REEP3: variants seen among roughly 807,000 people sequenced by gnomAD.
The protein encoded by REEP3 is receptor accessory protein 3.
In REEP3, 20 loss-of-function variants were observed where a neutral mutation model predicts 41.3. The ratio of observed to expected loss-of-function variants is 0.48; its 90% CI spans 0.34 to 0.70. The LOEUF (loss-of-function observed/expected upper bound fraction) is 0.70, where lower values mean the gene tolerates loss of function less well. Ranked by LOEUF, REEP3 falls within the 30% of genes least tolerant of loss-of-function variation. REEP3 has a pLI of 0.01. For missense variants in REEP3, 271 were observed against 308.8 expected (o/e 0.88, Z 0.92); for synonymous variants, 104 against 101.8 (o/e 1.02, Z -0.13).
Position 63,545,707 on chromosome 10 carries a change from A to G in REEP3, c.33-20631A>G, listed in dbSNP as rs1348203430. ...TTTTTTTTTTTTTTTTTTTTTTTTG[A>G]GATGGAGTCTTGCTCTGTTGCCCAC... On this transcript the variant is annotated intron_variant, in intron 1 of 7. Transcript: ENST00000373758. Among the ~76,000 whole-genome samples, 243 of 30,662 alleles carry G rather than the reference A, an allele frequency of 7.9e-3. 1 individual carries two copies. Among genetic ancestry groups the G allele is most frequent in the Admixed American group, 0.02 (45 of 2,254 alleles). The allele number at this position is 30,662 out of a possible 152,430, so 20.1% of individuals were successfully genotyped here.
At chr10:63,547,548 A>G (rs1002407925) in intron 1 of REEP3, among the ~76,000 whole-genome samples, 1 of 152,190 alleles carries the variant, frequency 6.6e-6, no homozygotes, top group Non-Finnish European at 1.5e-5. Flanking sequence ...AACATTATGT[A>G]ATGCTGGACC....
In REEP3 at chr10:63,623,615, A is replaced by G. The variant is rs1421942338; in HGVS notation, c.*2746A>G. ...TATTTCCAGAGTTTGTTTAGGAGTAAGAATTGACCCATTCGTTAGTTTACC... is the reference window on the plus strand; with the variant it reads ...TATTTCCAGAGTTTGTTTAGGAGTAGGAATTGACCCATTCGTTAGTTTACC... On this transcript the variant is annotated 3_prime_UTR_variant, in exon 8 of 8. Coordinates refer to ENST00000373758, the MANE Select transcript of REEP3 (RefSeq NM_001001330.3). 4.6e-5 allele frequency: 7 copies of G among 152,406 alleles called. No homozygotes were observed. Among genetic ancestry groups the G allele is most frequent in the Non-Finnish European group, 7.3e-5 (5 of 68,202 alleles). The allele number at this position is 152,406 out of a possible 1,614,324, so 9.4% of individuals were successfully genotyped here.
intron 2 of REEP3, among the ~76,000 whole-genome samples, chr10:63,576,613 G>A (rs7902616): frequency 0.44 from 67,051 of 152,024 alleles, 15,018 homozygotes; most frequent in Middle Eastern, 0.48. Flanking sequence ...CTGAGGGATT[G>A]GGGTTTAGGA....
intron 1 of REEP3, among the ~76,000 whole-genome samples, chr10:63,543,756 G>A (rs76527879): frequency 4.9e-4 from 74 of 152,202 alleles, no homozygotes; most frequent in Admixed American, 8.5e-4. Context: ...CCGTTTTAAA[G>A]CAATACCCAA....
In REEP3 at chr10:63,574,847, CTTTTTTTTTTTTT is replaced by C. The variant is rs56001048; in HGVS notation, c.105+8453_105+8465del. Among the ~76,000 whole-genome samples, 6 of 58,890 alleles carry C rather than the reference CTTTTTTTTTTTTT, an allele frequency of 1.0e-4. No individual in the cohort carries two copies. The Admixed American group carries it at 1.4e-3, about 14-fold the overall frequency. 38.6% of individuals were successfully genotyped at this position (58,890 alleles called of 152,430 possible). A position where few individuals can be genotyped will look rare whatever the true frequency, so the allele number is the denominator to read the frequency against. On this transcript the variant is annotated intron_variant, in intron 2 of 7. Coordinates refer to ENST00000373758, the MANE Select transcript of REEP3 (RefSeq NM_001001330.3). ...GAAGGCTATAATGAGAGGTCAATTT[CTTTTTTTTTTTTT>C]TTTTTTTTTTTTTTTGAGACAGAGT...
At chr10:63,547,417 T>C (rs7100190) in intron 1 of REEP3, among the ~76,000 whole-genome samples, 3,225 of 152,214 alleles carry the variant, frequency 0.021, 109 homozygotes, top group African/African-American at 0.072. Context: ...AAATGGCTCA[T>C]ATTCAAAATA....
intron 1 of REEP3, among the ~76,000 whole-genome samples, chr10:63,538,817 A>T (rs1303665267): frequency 1.3e-5 from 2 of 152,224 alleles, no homozygotes; most frequent in Non-Finnish European, 2.9e-5. Flanking sequence ...CATGTGGTCA[A>T]CATTGCTGTG....
intron 1 of REEP3, among the ~76,000 whole-genome samples, chr10:63,532,343 G>A (rs901448303): frequency 6.6e-6 from 1 of 152,124 alleles, no homozygotes; most frequent in Non-Finnish European, 1.5e-5. Flanking sequence ...ACACTTTCAA[G>A]TAATGATGTG....
intron 2 of REEP3, among the ~76,000 whole-genome samples, chr10:63,590,347 A>G (rs1956049451): frequency 6.6e-6 from 1 of 152,212 alleles, no homozygotes; most frequent in South Asian, 2.1e-4. Flanking sequence ...TTACAGTTGA[A>G]TCAGTGAGTG....
chr10:63,525,011 C>CAA (rs35948219), intron 1 of REEP3, among the ~76,000 whole-genome samples: 1 of 143,070 alleles, frequency 7.0e-6, no homozygotes. Flanking sequence ...GACTCTGTCT[C>CAA]AAAAAAAAAA....
intron 2 of REEP3, among the ~76,000 whole-genome samples, chr10:63,570,156 G>A (rs1238236943): frequency 6.6e-6 from 1 of 152,082 alleles, no homozygotes. Context: ...TGATAAGGAT[G>A]GTCTAACCCT....
At chr10:63,523,020 CAAAA>C (rs35537600) in intron 1 of REEP3, among the ~76,000 whole-genome samples, 4 of 117,954 alleles carry the variant, frequency 3.4e-5, no homozygotes, top group African/African-American at 6.8e-5. Flanking sequence ...CTGTACTTTA[CAAAA>C]AAAAAAAAAA....
At chr10:63,579,447 T>C (rs1233208126) in intron 2 of REEP3, among the ~76,000 whole-genome samples, 1 of 152,226 alleles carries the variant, frequency 6.6e-6, no homozygotes, top group African/African-American at 2.4e-5. Flanking sequence ...GGATTTAAAT[T>C]AAATGCCTAA....
In REEP3 at chr10:63,572,415, C is replaced by A. The variant is rs150032190; in HGVS notation, c.105+6005C>A. 3.3e-3 allele frequency among the ~76,000 whole-genome samples: 499 copies of A among 152,108 alleles called. 2 individuals carry two copies. Among genetic ancestry groups the A allele is most frequent in the African/African-American group, 0.012 (484 of 41,490 alleles). ...GTGGTTTGCACCCATCAACCTGTCACCTAGGTTTTAAGCCCCGCATGCATT... is the reference window on the plus strand; with the variant it reads ...GTGGTTTGCACCCATCAACCTGTCAACTAGGTTTTAAGCCCCGCATGCATT... On this transcript the variant is annotated intron_variant, in intron 2 of 7. Coordinates refer to ENST00000373758, the MANE Select transcript of REEP3 (RefSeq NM_001001330.3).
chr10:63,581,724 C>CT (rs1955955849), intron 2 of REEP3, among the ~76,000 whole-genome samples: 1 of 148,682 alleles, frequency 6.7e-6, no homozygotes, highest in Non-Finnish European at 1.5e-5. Flanking sequence ...GCCTGGGTGA[C>CT]AGAGCAAGAC....
intron 2 of REEP3, among the ~76,000 whole-genome samples, chr10:63,580,600 CT>C (rs1192350202): frequency 6.6e-6 from 1 of 151,216 alleles, no homozygotes; most frequent in Non-Finnish European, 1.5e-5. Context: ...AAGATAAACA[CT>C]TGAAATAACT....
At chr10:63,521,721 G>C in intron 1 of REEP3, 144 bp downstream of exon 1, 1 of 445,414 alleles carries the variant, frequency 2.2e-6, no homozygotes. Context: ...GTCTGGGGGA[G>C]CCCTCGGCTT....
chr10:63,618,608 T>G lies in REEP3; in HGVS notation c.566-1047T>G, dbSNP rs187761147. Among the ~76,000 whole-genome samples, 285 of 152,348 alleles carry G rather than the reference T, an allele frequency of 1.9e-3. 2 individuals carry two copies. The highest frequency in any genetic ancestry group is 3.3e-3 in the Non-Finnish European group (226 of 68,030). On this transcript the variant is annotated intron_variant, in intron 6 of 7. Transcript: ENST00000373758. ...TAACCTACTTAGTACTCTGGTTGTC[T>G]GAGACTTGGGCCCCTGTCTTGCTGT...
At chr10:63,525,061 G>A (rs1427720989) in intron 1 of REEP3, among the ~76,000 whole-genome samples, 2 of 152,054 alleles carry the variant, frequency 1.3e-5, no homozygotes, top group Non-Finnish European at 2.9e-5. Flanking sequence ...TAACTAAAAC[G>A]TGGAAGTGTG....
Sources: allele counts gnomAD v4.1 joint callset (sites outside exome capture counted in the v4.1 genomes callset), GRCh38; gene constraint gnomAD v4.1.1; transcripts MANE v1.5; gene names NCBI Gene and HGNC (gene_info 2026-07-23, HGNC 2026-07-21).